The following ME1 variants were observed in gnomAD, a reference collection of about 807,000 sequenced individuals.
ME1 encodes the protein malic enzyme 1.
ME1 carries 74 observed loss-of-function variants against 66.4 expected under a neutral mutation model. The observed-to-expected ratio is 1.11, with a 90% CI of 0.92 to 1.35. The LOEUF is 1.35. ME1 is among the 40% of genes most tolerant of loss of function. The probability of loss-of-function intolerance (pLI) is 0.00; values close to 1 mark genes in which losing one functional copy is unlikely to be tolerated. For synonymous variants in ME1, 251 were observed against 235.6 expected (o/e 1.07, Z -0.60); for missense variants, 750 against 694.1 (o/e 1.08, Z -0.90).
At chr6:83,326,887 A>G (rs1415608696) in intron 5 of ME1, among the ~76,000 whole-genome samples, 1 of 152,172 alleles carries the variant, frequency 6.6e-6, no homozygotes, top group Non-Finnish European at 1.5e-5. Context: ...ATTACTGGGT[A>G]TATACCCAAA....
In ME1 at chr6:83,211,878, AG is replaced by A. The variant is rs755299623; in HGVS notation, c.*45del. 1 of 1,273,498 alleles carries A rather than the reference AG, an allele frequency of 7.9e-7. No individual in the cohort carries two copies. Among genetic ancestry groups the A allele is most frequent in the Non-Finnish European group, 1.0e-6 (1 of 958,822 alleles). The allele number at this position is 1,273,498 out of a possible 1,614,324, so 78.9% of individuals were successfully genotyped here. A position where few individuals can be genotyped will look rare whatever the true frequency, so the allele number is the denominator to read the frequency against. ...GATTCCAACCTTTAAAAATTATGAA[AG>A]GTTTAAAGACCTCATTAATAGAGTT... On this transcript the variant is annotated 3_prime_UTR_variant, in exon 14 of 14. Transcript: ENST00000369705.
At chr6:83,223,658 A>G (rs1790133342) in intron 12 of ME1, 102 bp downstream of exon 12, 16 of 1,133,428 alleles carry the variant, frequency 1.4e-5, no homozygotes, top group Non-Finnish European at 1.7e-5. Context: ...TACTTCTTTC[A>G]GAGAGTAAGC....
At chr6:83,244,447 T>C (rs894691152) in intron 7 of ME1, among the ~76,000 whole-genome samples, 4 of 152,152 alleles carry the variant, frequency 2.6e-5, no homozygotes, top group Non-Finnish European at 4.4e-5. Context: ...GGCCTTCTAC[T>C]ATATACTAAT....
At chr6:83,395,138 G>A (rs1039994810) in intron 3 of ME1, among the ~76,000 whole-genome samples, 2 of 150,930 alleles carry the variant, frequency 1.3e-5, no homozygotes, top group Non-Finnish European at 3.0e-5. Context: ...CACCCAGGCT[G>A]GAGTGCAGTA....
chr6:83,393,265 G>A, intron 3 of ME1: 10 of 1,169,558 alleles, frequency 8.6e-6, no homozygotes, highest in Admixed American at 1.7e-5. Flanking sequence ...AACTTCAACA[G>A]ACACCCACTC....
intron 1 of ME1, among the ~76,000 whole-genome samples, chr6:83,412,395 G>T (rs1735963919): frequency 6.6e-6 from 1 of 152,134 alleles, no homozygotes; most frequent in Non-Finnish European, 1.5e-5. Context: ...TTTAACTAGT[G>T]TAATCTCTAG....
At chr6:83,379,239 G>C (rs958756302) in intron 3 of ME1, among the ~76,000 whole-genome samples, 2 of 151,920 alleles carry the variant, frequency 1.3e-5, no homozygotes, top group African/African-American at 4.8e-5. Flanking sequence ...AATAATCTTT[G>C]CAAAAAGAAA....
intron 6 of ME1, among the ~76,000 whole-genome samples, chr6:83,282,847 A>G (rs1208665457): frequency 1.3e-5 from 2 of 152,224 alleles, no homozygotes; most frequent in African/African-American, 4.8e-5. Flanking sequence ...TAGCAAAGAT[A>G]TGGAACCAAC....
intron 3 of ME1, among the ~76,000 whole-genome samples, chr6:83,375,796 A>G (rs1156406666): frequency 6.6e-6 from 1 of 152,174 alleles, no homozygotes; most frequent in East Asian, 1.9e-4. Context: ...GAGAGTTTTT[A>G]ACAGGAAGAG....
At chr6:83,398,549 C>T in intron 2 of ME1, 33 bp from the exon 3 acceptor site, 1 of 1,227,366 alleles carries the variant, frequency 8.1e-7, no homozygotes, top group Non-Finnish European at 1.1e-6. Context: ...GATCTACATC[C>T]CATAAAGTCA....
chr6:83,226,429 C>CT (rs892431562), intron 11 of ME1, among the ~76,000 whole-genome samples: 11 of 152,000 alleles, frequency 7.2e-5, no homozygotes, highest in South Asian at 2.1e-4. Context: ...GCTGAAAGGA[C>CT]TTTTTTTTCC....
rs565599860 is a variant in ME1 at position 83,342,790 on chromosome 6, G to A, written c.600+3383C>T. 7.9e-5 allele frequency among the ~76,000 whole-genome samples: 12 copies of A among 152,152 alleles called. No individual in the cohort carries two copies. In the East Asian group the frequency reaches 1.2e-3, roughly 15 times the overall value. ...GCAACCTCCATCCCTGGGTTCAAGC[G>A]ATTCTCCTGCCTCAGCCTCCCAAGT... On this transcript the variant is annotated intron_variant, in intron 5 of 13. Transcript: ENST00000369705.
Position 83,326,911 on chromosome 6 carries a change from G to A in ME1, c.601-11498C>T, listed in dbSNP as rs552202349. ...TATATACCCAAAGGATTATTGTTGC[G>A]GGAAGTCAGGGACCCCAAACAGAGG... On this transcript the variant is annotated intron_variant, in intron 5 of 13. Transcript: ENST00000369705. Among the ~76,000 whole-genome samples, 707 of 151,944 alleles carry A rather than the reference G, an allele frequency of 4.7e-3. 8 individuals carry two copies. The highest frequency in any genetic ancestry group is 5.3e-3 in the Non-Finnish European group (362 of 67,854).
intron 6 of ME1, among the ~76,000 whole-genome samples, chr6:83,311,788 C>A (rs1346103267): frequency 6.6e-6 from 1 of 151,994 alleles, no homozygotes; most frequent in Non-Finnish European, 1.5e-5. Context: ...CAATCAGAAG[C>A]CAGATGGACA....
intron 13 of ME1, among the ~76,000 whole-genome samples, chr6:83,214,042 T>C (rs1040529035): frequency 1.3e-5 from 2 of 152,208 alleles, no homozygotes; most frequent in African/African-American, 4.8e-5. Context: ...TCACACAAAA[T>C]TCAAGCATTT....
intron 7 of ME1, among the ~76,000 whole-genome samples, chr6:83,246,204 A>C (rs1199956543): frequency 2.6e-5 from 4 of 152,170 alleles, no homozygotes; most frequent in Non-Finnish European, 5.9e-5. Flanking sequence ...TTATCTTGCT[A>C]ATGAAAGATT....
At chr6:83,331,138 C>CTA (rs1012037349) in intron 5 of ME1, among the ~76,000 whole-genome samples, 23 of 152,188 alleles carry the variant, frequency 1.5e-4, no homozygotes, top group Non-Finnish European at 2.1e-4. Context: ...TGATCATGTG[C>CTA]TATGGGTTGA....
chr6:83,227,469 C>T lies in ME1; in HGVS notation c.1141G>A (p.Ala381Thr), dbSNP rs777360451. Residue 381 changes from alanine to threonine, a missense_variant, in exon 11 of 14, where the codon GCA (alanine) becomes ACA (threonine). Transcript: ENST00000369705. ...TGTTCTGAGAATGCACCACCAATTG[C>T]AGCAACTCCTAATGAAGAAATATGA... The part of the protein sequence containing the change: ...IKPTALIGVA[A>T]IGGAFSEQIL... 14 of 1,596,420 alleles carry T rather than the reference C, an allele frequency of 8.8e-6. No individual in the cohort carries two copies. Among genetic ancestry groups the T allele is most frequent in the Non-Finnish European group, 1.2e-5 (14 of 1,169,430 alleles).
chr6:83,215,046 C>A (rs1234827435), intron 13 of ME1, among the ~76,000 whole-genome samples: 3 of 152,098 alleles, frequency 2.0e-5, no homozygotes, highest in Non-Finnish European at 2.9e-5. Flanking sequence ...GTTTAAACTA[C>A]TTAAAAACTA....
Sources: allele counts gnomAD v4.1 joint callset (sites outside exome capture counted in the v4.1 genomes callset), GRCh38; gene constraint gnomAD v4.1.1; transcripts MANE v1.5; gene names NCBI Gene and HGNC (gene_info 2026-07-23, HGNC 2026-07-21).